Variants in AAGAB observed in about 807,000 individuals in gnomAD.
The protein encoded by AAGAB is alpha and gamma adaptin binding protein.
A neutral mutation model predicts 44.1 loss-of-function variants in AAGAB; 38 were observed. The observed-to-expected ratio is 0.86, with a 90% CI of 0.67 to 1.13. AAGAB has a LOEUF of 1.13. AAGAB is among the 50% of genes most tolerant of loss of function. The pLI, the probability that AAGAB is intolerant of heterozygous loss-of-function variation, is 0.00. For synonymous variants in AAGAB, 131 were observed against 131.8 expected (o/e 0.99, Z 0.04); for missense variants, 450 against 373.8 (o/e 1.20, Z -1.68).
intron 3 of AAGAB, 73 bp from the exon 4 acceptor site, chr15:67,236,141 A>C (rs1332537887): frequency 2.5e-6 from 3 of 1,191,132 alleles, no homozygotes; most frequent in Non-Finnish European, 3.7e-6. Context: ...AATATTCTTC[A>C]CAAATCTCAA....
intron 5 of AAGAB, among the ~76,000 whole-genome samples, chr15:67,217,368 G>A (rs1331157517): frequency 1.3e-5 from 2 of 152,126 alleles, no homozygotes; most frequent in East Asian, 1.9e-4. Flanking sequence ...CTTCATTAAC[G>A]ATTCTCCTCT....
At chr15:67,233,697 A>C (rs1053410437) in intron 4 of AAGAB, among the ~76,000 whole-genome samples, 5 of 152,204 alleles carry the variant, frequency 3.3e-5, no homozygotes, top group African/African-American at 1.2e-4. Flanking sequence ...ATTCTCACAG[A>C]AAGTGGAAAC....
chr15:67,244,621 G>A (rs1392112057), intron 1 of AAGAB, among the ~76,000 whole-genome samples: 1 of 152,032 alleles, frequency 6.6e-6, no homozygotes, highest in Non-Finnish European at 1.5e-5. Context: ...TGCCCAGCAT[G>A]GTGAAACCCT....
At chr15:67,232,668 G>T in intron 4 of AAGAB, 1 of 294,740 alleles carries the variant, frequency 3.4e-6, no homozygotes, top group South Asian at 3.8e-5. Context: ...CATAATTTAC[G>T]ATTCCTTGGA....
intron 4 of AAGAB, chr15:67,232,757 A>G: frequency 4.3e-6 from 1 of 234,868 alleles, no homozygotes; most frequent in South Asian, 6.9e-5. Flanking sequence ...TGAGAAAGCA[A>G]TGAAAGGAAT....
At chr15:67,229,950 G>C (rs1019008839) in intron 5 of AAGAB, among the ~76,000 whole-genome samples, 1 of 151,876 alleles carries the variant, frequency 6.6e-6, no homozygotes, top group Non-Finnish European at 1.5e-5. Flanking sequence ...TGGTTCAAGT[G>C]ATTCTCCTGC....
At chr15:67,230,802 C>T (rs1176621429) in intron 5 of AAGAB, among the ~76,000 whole-genome samples, 1 of 152,142 alleles carries the variant, frequency 6.6e-6, no homozygotes, top group African/African-American at 2.4e-5. Flanking sequence ...GGCCCCAGCA[C>T]CTCACTCTTG....
intron 5 of AAGAB, among the ~76,000 whole-genome samples, chr15:67,211,433 C>A (rs529415354): frequency 7.6e-4 from 115 of 152,300 alleles, no homozygotes; most frequent in African/African-American, 2.5e-3. Context: ...CCGAGAGAAG[C>A]AGATCCATGC....
At position 67,236,416 on chromosome 15, in the gene AAGAB, G is replaced by T. The variant is rs755439411; in HGVS notation, c.353C>A (p.Ser118Tyr). 11 of 1,613,910 alleles carry T rather than the reference G, an allele frequency of 6.8e-6. No homozygotes were observed. In the East Asian group the frequency reaches 2.5e-4, roughly 36 times the overall value. ...EVMILVCDRV[S>Y]EDGINRQKAQ... ...CCATCCACAGGCCTTACCATCTTCAGACACTCTATCGCAGACCAAGATCAT... is the reference window on the plus strand; with the variant it reads ...CCATCCACAGGCCTTACCATCTTCATACACTCTATCGCAGACCAAGATCAT... The change falls in exon 3 of 10, where the codon TCT becomes TAT. Residue 118 changes from serine (S) to tyrosine (Y), a missense_variant. By Grantham distance (144) the Ser-to-Tyr change is moderately radical. Coordinates refer to ENST00000261880, the MANE Select transcript of AAGAB (RefSeq NM_024666.5).
At chr15:67,209,885 T>C (rs1288889435) in intron 5 of AAGAB, among the ~76,000 whole-genome samples, 5 of 152,186 alleles carry the variant, frequency 3.3e-5, no homozygotes, top group African/African-American at 4.8e-5. Context: ...CAGGCTGGTC[T>C]TGAACTCCTG....
chr15:67,241,585 C>G (rs1040875393), intron 1 of AAGAB, among the ~76,000 whole-genome samples: 1 of 151,948 alleles, frequency 6.6e-6, no homozygotes, highest in Non-Finnish European at 1.5e-5. Flanking sequence ...TGGGGTCGGA[C>G]AGGCCTGCAT....
Position 67,201,500 on chromosome 15 carries a change from C to A in AAGAB, c.*1321G>T, listed in dbSNP as rs1963570000. ...GGGGTGTGAGCCTTATTTCTTTCTG[C>A]TCCTAACCCAACCTGTTTCTTTCAT... is the stretch of plus-strand genomic sequence containing the variant. On this transcript the variant is annotated 3_prime_UTR_variant, in exon 10 of 10. Transcript: ENST00000261880. The A allele has an allele frequency of 6.6e-6, 1 of 152,298 alleles. No homozygotes were observed. The highest frequency in any genetic ancestry group is 6.6e-5 in the Admixed American group (1 of 15,264). The allele number at this position is 152,298 out of a possible 1,614,324, so 9.4% of individuals were successfully genotyped here.
rs1284675266 is a variant in AAGAB at position 67,254,652 on chromosome 15, T to G, written c.-21A>C. The G allele has an allele frequency of 2.5e-6, 4 of 1,599,346 alleles. No homozygotes were observed. The highest frequency in any genetic ancestry group is 3.4e-6 in the Non-Finnish European group (4 of 1,174,680). On this transcript the variant is annotated 5_prime_UTR_variant, in exon 1 of 10. Coordinates refer to ENST00000261880, the MANE Select transcript of AAGAB (RefSeq NM_024666.5). ...GCCATAGCTGCGCTCGCGAGCCGGT[T>G]CCGTCAGGCAGCCGCTTCCGCCTTG... is the stretch of plus-strand genomic sequence containing the variant.
chr15:67,225,661 G>A (rs979146843), intron 5 of AAGAB, among the ~76,000 whole-genome samples: 22 of 152,086 alleles, frequency 1.4e-4, no homozygotes, highest in Non-Finnish European at 2.9e-4. Context: ...GTAGCCTCTC[G>A]TGTCGGGCTT....
Position 67,202,491 on chromosome 15 carries a change from C to T in AAGAB, c.*330G>A. 4.0e-6 allele frequency: 1 copy of T among 247,140 alleles called. No individual in the cohort carries two copies. 15.3% of individuals were successfully genotyped at this position (247,140 alleles called of 1,614,324 possible). A position where few individuals can be genotyped will look rare whatever the true frequency, so the allele number is the denominator to read the frequency against. ...CTGGAAATGCTACTTAAAAGGTTGA[C>T]CAGGAATGGCCTGGAGGTTGTCTTC... is the stretch of plus-strand genomic sequence containing the variant. On this transcript the variant is annotated 3_prime_UTR_variant, in exon 10 of 10. Transcript: ENST00000261880.
intron 7 of AAGAB, among the ~76,000 whole-genome samples, chr15:67,204,560 C>T (rs757490687): frequency 1.3e-5 from 2 of 152,038 alleles, no homozygotes; most frequent in African/African-American, 4.8e-5. Flanking sequence ...AATATTTTCA[C>T]ATCTATTACC....
rs1225804597 is a variant in AAGAB, at chr15:67,201,266, CAA to C, written c.*1553_*1554del. On this transcript the variant is annotated 3_prime_UTR_variant, in exon 10 of 10. Transcript: ENST00000261880. The stretch of plus-strand genomic sequence containing the variant: ...ATGGGCTGGTGGTGAACCACAGACT[CAA>C]AGTCTTTCAGAACAGTAAAAGAAAA... 7.1e-6 allele frequency: 1 copy of C among 140,646 alleles called. No homozygotes were observed. Among genetic ancestry groups the C allele is most frequent in the Non-Finnish European group, 1.5e-5 (1 of 65,354 alleles). 8.7% of individuals were successfully genotyped at this position (140,646 alleles called of 1,614,324 possible). A position where few individuals can be genotyped will look rare whatever the true frequency, so the allele number is the denominator to read the frequency against.
intron 1 of AAGAB, 93 bp from the exon 2 acceptor site, chr15:67,236,913 T>C (rs1348481637): frequency 4.1e-5 from 41 of 1,004,564 alleles, no homozygotes; most frequent in East Asian, 5.2e-5. Context: ...GCTGGTACTT[T>C]TGCTGTTTCC....
chr15:67,209,696 A>C, intron 5 of AAGAB, 152 bp from the exon 6 acceptor site: 1 of 650,652 alleles, frequency 1.5e-6, no homozygotes, highest in Non-Finnish European at 2.6e-6. Context: ...TCTGTAGCCC[A>C]GGCTAGAGTG....
Sources: gnomAD v4.1 joint callset for allele counts (sites outside exome capture counted in the v4.1 genomes callset) on GRCh38, gnomAD v4.1.1 for gene constraint, MANE v1.5 for transcripts, NCBI Gene and HGNC (gene_info 2026-07-23, HGNC 2026-07-21) for gene names.